Variants in DYNC1I1 observed in about 807,000 individuals in gnomAD.
DYNC1I1 encodes cytoplasmic dynein 1 intermediate chain 1.
A neutral mutation model predicts 86.6 loss-of-function variants in DYNC1I1; 43 were observed. The ratio of observed to expected loss-of-function variants is 0.50; its 90% CI spans 0.39 to 0.64. DYNC1I1 has a LOEUF of 0.64. Among genes scored for constraint, DYNC1I1 ranks in the 30% least tolerant of loss-of-function variants. DYNC1I1 has a pLI of 0.00. For synonymous variants in DYNC1I1, 262 were observed against 283.7 expected, an observed-to-expected ratio of 0.92 and a Z score of 0.77; for missense variants, 604 against 788.8, an observed-to-expected ratio of 0.77 and a Z score of 2.81.
intron 14 of DYNC1I1, among the ~76,000 whole-genome samples, chr7:96,043,856 C>G (rs112509820): frequency 1.3e-5 from 2 of 151,898 alleles, no homozygotes; most frequent in African/African-American, 4.8e-5. Context: ...ATTACAGGTG[C>G]CCGCCACTAC....
intron 10 of DYNC1I1, among the ~76,000 whole-genome samples, chr7:96,006,669 AAAG>A (rs1457378565): frequency 6.6e-6 from 1 of 152,140 alleles, no homozygotes; most frequent in Non-Finnish European, 1.5e-5. Flanking sequence ...ATGATTTACT[AAAG>A]AAGATCAGGA....
chr7:95,868,145 G>A (rs1196857768), intron 5 of DYNC1I1, among the ~76,000 whole-genome samples: 1 of 152,194 alleles, frequency 6.6e-6, no homozygotes, highest in Admixed American at 6.5e-5. Flanking sequence ...GTGTCCCAGA[G>A]CTCCCAGTGA....
chr7:96,010,234 C>T (rs138872672), intron 10 of DYNC1I1, among the ~76,000 whole-genome samples: 2 of 152,228 alleles, frequency 1.3e-5, no homozygotes, highest in Admixed American at 6.5e-5. Context: ...GCGTGGTTGA[C>T]CCGGAACACC....
At chr7:95,928,754 T>C (rs1419508071) in intron 6 of DYNC1I1, among the ~76,000 whole-genome samples, 4 of 152,154 alleles carry the variant, frequency 2.6e-5, no homozygotes, top group Admixed American at 6.5e-5. Flanking sequence ...CATGGGCAGT[T>C]AGTGAGCTTC....
chr7:95,910,617 A>G (rs1791308427), intron 6 of DYNC1I1, among the ~76,000 whole-genome samples: 1 of 152,176 alleles, frequency 6.6e-6, no homozygotes, highest in South Asian at 2.1e-4. Flanking sequence ...GTAATGGGAA[A>G]TCAGGTTGCA....
intron 14 of DYNC1I1, among the ~76,000 whole-genome samples, chr7:96,042,779 T>C (rs1383729802): frequency 6.6e-6 from 1 of 152,142 alleles, no homozygotes; most frequent in African/African-American, 2.4e-5. Context: ...ATAAAACATG[T>C]AGTCTGTCTT....
chr7:96,108,573 T>TG (rs1480597190), intron 16 of DYNC1I1, among the ~76,000 whole-genome samples: 2 of 152,024 alleles, frequency 1.3e-5, no homozygotes, highest in Non-Finnish European at 2.9e-5. Flanking sequence ...GATTTTTCTC[T>TG]GGGGTATAGG....
In DYNC1I1 at chr7:95,970,213, C is replaced by T. The variant is rs189541947; in HGVS notation, c.491-7299C>T. On this transcript the variant is annotated intron_variant, in intron 6 of 16. Coordinates refer to ENST00000447467, the MANE Select transcript of DYNC1I1 (RefSeq NM_001135556.2). ...TGTCTAAATTCACAGTCTGATTCAT[C>T]ACACCCGCTGGCAACTGCGCCGACC... is the stretch of plus-strand genomic sequence containing the variant. Among the ~76,000 whole-genome samples, 214 of 152,268 alleles carry T rather than the reference C, an allele frequency of 1.4e-3. 3 individuals carry two copies. Among genetic ancestry groups the T allele is most frequent in the Non-Finnish European group, 5.9e-4 (40 of 68,024 alleles).
chr7:96,099,033 A>AT, downstream of DYNC1I1, among the ~76,000 whole-genome samples: 1 of 152,312 alleles, frequency 6.6e-6, no homozygotes, highest in South Asian at 2.1e-4. Context: ...TTTGTAAACA[A>AT]TAAAAATTTT....
At chr7:96,032,015 C>T (rs1794818480) in intron 11 of DYNC1I1, among the ~76,000 whole-genome samples, 1 of 152,102 alleles carries the variant, frequency 6.6e-6, no homozygotes, top group South Asian at 2.1e-4. Context: ...CAAATCTAAG[C>T]CTCTATACTA....
intron 6 of DYNC1I1, among the ~76,000 whole-genome samples, chr7:95,914,516 C>T (rs1791420008): frequency 1.3e-5 from 2 of 152,150 alleles, no homozygotes; most frequent in Non-Finnish European, 2.9e-5. Context: ...TGGTATTAGT[C>T]ATAATATGAA....
chr7:95,853,750 C>T (rs1789642542), intron 5 of DYNC1I1, among the ~76,000 whole-genome samples: 2 of 151,958 alleles, frequency 1.3e-5, no homozygotes, highest in Non-Finnish European at 2.9e-5. Context: ...TGTTGATGTC[C>T]CCTACGATTA....
intron 14 of DYNC1I1, among the ~76,000 whole-genome samples, chr7:96,047,076 T>C (rs542206631): frequency 6.6e-6 from 1 of 152,250 alleles, no homozygotes; most frequent in South Asian, 2.1e-4. Flanking sequence ...GTCTGGTGAG[T>C]GCTCACTGCC....
intron 6 of DYNC1I1, among the ~76,000 whole-genome samples, chr7:95,936,956 T>TCACACACACACACACACACACACA (rs57989893): frequency 5.2e-5 from 7 of 134,284 alleles, no homozygotes; most frequent in South Asian, 2.6e-4. Context: ...AGAATATGTC[T>TCACACACACACACACACACACACA]CACACACACA....
intron 6 of DYNC1I1, among the ~76,000 whole-genome samples, chr7:95,957,947 A>G (rs1025484862): frequency 4.6e-5 from 7 of 152,162 alleles, no homozygotes; most frequent in Non-Finnish European, 8.8e-5. Context: ...TTGCAGGTGT[A>G]TGTCTTCAGT....
At chr7:95,785,783 A>G (rs1461867290) in intron 1 of DYNC1I1, among the ~76,000 whole-genome samples, 17,040 of 49,166 alleles carry the variant, frequency 0.35, 1,261 homozygotes, top group African/African-American at 0.43. Flanking sequence ...GTGTATATAT[A>G]TATATATATA....
intron 5 of DYNC1I1, among the ~76,000 whole-genome samples, chr7:95,829,345 C>G (rs956592817): frequency 6.6e-6 from 1 of 152,020 alleles, no homozygotes; most frequent in East Asian, 1.9e-4. Context: ...TTTAGGTAAC[C>G]GATGCACTAT....
chr7:95,787,224 G>A lies in DYNC1I1; in HGVS notation c.-10+14451G>A, dbSNP rs141400403. 3.4e-3 allele frequency among the ~76,000 whole-genome samples: 518 copies of A among 152,256 alleles called. 1 individual carries two copies. The Middle Eastern group carries it at 0.041, about 12-fold the overall frequency. The stretch of plus-strand genomic sequence containing the variant: ...CTGGATCACAGTGCCCTTGCTTATA[G>A]GTCAGTATTCTGAACTCTGCTGAGA... On this transcript the variant is annotated intron_variant, in intron 1 of 16. Coordinates refer to ENST00000447467, the MANE Select transcript of DYNC1I1 (RefSeq NM_001135556.2).
intron 6 of DYNC1I1, among the ~76,000 whole-genome samples, chr7:95,930,346 C>G (rs918110626): frequency 2.6e-5 from 4 of 152,116 alleles, no homozygotes; most frequent in African/African-American, 9.7e-5. Context: ...TAATTTCCAG[C>G]ATATCTGAGA....
Sources: gnomAD v4.1 joint callset for allele counts (sites outside exome capture counted in the v4.1 genomes callset) on GRCh38, gnomAD v4.1.1 for gene constraint, MANE v1.5 for transcripts, NCBI Gene and HGNC (gene_info 2026-07-23, HGNC 2026-07-21) for gene names.